The following MYOF variants were observed in gnomAD, a reference collection of about 807,000 sequenced individuals.
The protein encoded by MYOF is myoferlin.
MYOF carries 244 observed loss-of-function variants against 284.2 expected under a neutral mutation model. The observed-to-expected ratio is 0.86, with a 90% confidence interval of 0.77 to 0.95. MYOF has a LOEUF of 0.95. Ranked by LOEUF, MYOF falls within the 40% of genes least tolerant of loss-of-function variation. The pLI is 0.00. For synonymous variants in MYOF, 904 were observed against 919.7 expected, an observed-to-expected ratio of 0.98 and a Z score of 0.31; for missense variants, 2,496 against 2,560.6, an observed-to-expected ratio of 0.97 and a Z score of 0.54.
At chr10:93,466,674 G>A (rs1372439811) in intron 1 of MYOF, among the ~76,000 whole-genome samples, 6 of 152,136 alleles carry the variant, frequency 3.9e-5, no homozygotes, top group African/African-American at 7.2e-5. Flanking sequence ...ACACATTCAC[G>A]TCTGTTCCCT....
chr10:93,328,048 G>A (rs1391358793), intron 45 of MYOF, among the ~76,000 whole-genome samples: 1 of 152,120 alleles, frequency 6.6e-6, no homozygotes, highest in Non-Finnish European at 1.5e-5. Flanking sequence ...GAGATTACAG[G>A]TGTGAGCCAC....
At chr10:93,333,950 G>C (rs1338040066) in intron 41 of MYOF, 37 bp from the exon 42 acceptor site, 1 of 1,597,602 alleles carries the variant, frequency 6.3e-7, no homozygotes. Context: ...CAGGGCCCTG[G>C]GTGGCCCAGG....
At chr10:93,478,167 GT>G (rs1423091551) in intron 1 of MYOF, 2 of 279,452 alleles carry the variant, frequency 7.2e-6, no homozygotes, top group African/African-American at 2.3e-5. Flanking sequence ...AAATTAAAAA[GT>G]TTTTTAACAA....
At chr10:93,425,967 G>T in intron 5 of MYOF, 104 bp downstream of exon 5, 1 of 1,198,286 alleles carries the variant, frequency 8.3e-7, no homozygotes, top group Non-Finnish European at 1.2e-6. Context: ...TGGGCAGGGA[G>T]CTACAGGCTT....
intron 50 of MYOF, among the ~76,000 whole-genome samples, chr10:93,313,888 G>A (rs1486706551): frequency 4.6e-5 from 7 of 152,136 alleles, no homozygotes; most frequent in South Asian, 2.1e-4. Context: ...GCAGCAGAGC[G>A]AGATTCTGTC....
chr10:93,426,219 C>A, intron 4 of MYOF, 61 bp from the exon 5 acceptor site: 1 of 1,502,846 alleles, frequency 6.7e-7, no homozygotes, highest in South Asian at 1.2e-5. Context: ...GTTATAGACT[C>A]AATGCAAGTG....
At chr10:93,308,267 T>A (rs1842219608) in intron 53 of MYOF, among the ~76,000 whole-genome samples, 1 of 146,556 alleles carries the variant, frequency 6.8e-6, no homozygotes, top group Non-Finnish European at 1.5e-5. Flanking sequence ...ATAAAAAAAA[T>A]AGAAGTTTTT....
chr10:93,451,949 G>A (rs1320371628), intron 3 of MYOF, 101 bp downstream of exon 3: 3 of 858,538 alleles, frequency 3.5e-6, no homozygotes, highest in African/African-American at 1.7e-5. Context: ...ATTTATATTG[G>A]AAGTATTATA....
At chr10:93,378,210 C>T (rs1400156212) in intron 21 of MYOF, among the ~76,000 whole-genome samples, 3 of 152,176 alleles carry the variant, frequency 2.0e-5, no homozygotes, top group Admixed American at 1.3e-4. Context: ...AAGAGCCTAC[C>T]ATGACTGTCA....
At chr10:93,317,947 C>A (rs555941359) in intron 49 of MYOF, among the ~76,000 whole-genome samples, 1 of 152,152 alleles carries the variant, frequency 6.6e-6, no homozygotes, top group Non-Finnish European at 1.5e-5. Flanking sequence ...CTGAGGGGCT[C>A]GGCAGCCCAC....
chr10:93,319,077 G>A (rs1564614238), intron 49 of MYOF, among the ~76,000 whole-genome samples: 1 of 152,164 alleles, frequency 6.6e-6, no homozygotes. Context: ...GAGCATCCCT[G>A]GGCAACAATG....
intron 1 of MYOF, among the ~76,000 whole-genome samples, chr10:93,457,370 C>A (rs762710208): frequency 4.6e-5 from 7 of 152,230 alleles, no homozygotes; most frequent in Non-Finnish European, 8.8e-5. Flanking sequence ...AGCTCTGAAG[C>A]TCATGCTGCA....
chr10:93,446,397 G>A (rs1230406768), intron 3 of MYOF, among the ~76,000 whole-genome samples: 1 of 152,166 alleles, frequency 6.6e-6, no homozygotes, highest in Admixed American at 6.5e-5. Context: ...ACTATTAGCA[G>A]CTATTATAGC....
intron 3 of MYOF, among the ~76,000 whole-genome samples, chr10:93,443,478 G>C (rs867348411): frequency 0.029 from 3,804 of 132,982 alleles, 67 homozygotes; most frequent in African/African-American, 0.069. Context: ...CTCTCTGTGT[G>C]TGTGTGTGTG....
intron 45 of MYOF, among the ~76,000 whole-genome samples, chr10:93,327,753 GT>G (rs1159297038): frequency 6.6e-6 from 1 of 151,894 alleles, no homozygotes; most frequent in African/African-American, 2.4e-5. Flanking sequence ...CAAAACATAA[GT>G]TTTTTTGTTT....
At chr10:93,456,215 G>T (rs2056742065) in intron 2 of MYOF, among the ~76,000 whole-genome samples, 1 of 152,126 alleles carries the variant, frequency 6.6e-6, no homozygotes, top group African/African-American at 2.4e-5. Flanking sequence ...GAAAGTGTAG[G>T]AGAGGAAATC....
At chr10:93,319,662 G>A (rs959974206) in intron 49 of MYOF, among the ~76,000 whole-genome samples, 10 of 152,064 alleles carry the variant, frequency 6.6e-5, no homozygotes, top group African/African-American at 2.4e-4. Context: ...GGGAAAGAAA[G>A]TTGTGCTCCT....
At chr10:93,400,422 T>G (rs944783577) in intron 12 of MYOF, among the ~76,000 whole-genome samples, 1 of 151,804 alleles carries the variant, frequency 6.6e-6, no homozygotes, top group Admixed American at 6.6e-5. Context: ...TACCTTGGCC[T>G]TCCAAAGTGC....
chr10:93,413,397 A>C (rs1427326694), intron 5 of MYOF, among the ~76,000 whole-genome samples: 1 of 152,218 alleles, frequency 6.6e-6, no homozygotes, highest in Non-Finnish European at 1.5e-5. Context: ...GGGCTCCACA[A>C]AGAATGCTAT....
Sources: allele counts gnomAD v4.1 joint callset (sites outside exome capture counted in the v4.1 genomes callset), GRCh38; gene constraint gnomAD v4.1.1; transcripts MANE v1.5; gene names NCBI Gene and HGNC (gene_info 2026-07-23, HGNC 2026-07-21).